Variants in NEB observed in about 807,000 individuals in gnomAD.
NEB encodes the protein nemaline myopathy type 2.
A neutral mutation model predicts 952.2 loss-of-function variants in NEB; 512 were observed. The observed-to-expected ratio is 0.54, with a 90% CI of 0.50 to 0.58. The LOEUF (loss-of-function observed/expected upper bound fraction) is 0.58, where lower values mean the gene tolerates loss of function less well. Among genes scored for constraint, NEB ranks in the 20% least tolerant of loss-of-function variants. The probability of loss-of-function intolerance (pLI) is 0.00; values close to 1 mark genes in which losing one functional copy is unlikely to be tolerated. For missense variants in NEB, 8,428 were observed against 9,231.1 expected (o/e 0.91, Z 3.56); for synonymous variants, 2,900 against 3,149.8 (o/e 0.92, Z 2.66).
intron 179 of NEB, among the ~76,000 whole-genome samples, chr2:151,490,878 C>T (rs1388409472): frequency 6.6e-6 from 1 of 152,186 alleles, no homozygotes; most frequent in African/African-American, 2.4e-5. Context: ...AAAGTCCTCC[C>T]TAACTGCAAA....
chr2:151,532,096 C>T, intron 143 of NEB, 200 bp from the exon 144 acceptor site: 1 of 470,970 alleles, frequency 2.1e-6, no homozygotes, highest in Admixed American at 3.8e-5. Context: ...CTAATAATTT[C>T]CTTTTTTTGT....
At position 151,501,446 on chromosome 2, in the gene NEB, A is replaced by G. The variant is rs1175779008; in HGVS notation, c.23966T>C (p.Leu7989Pro). The change falls in exon 168 of 182, where the codon CTA becomes CCA. Residue 7989 changes from leucine (L) to proline (P), a missense_variant. Transcript: ENST00000397345. ...YKENLSKGTPLPVTPEMERVK... is the reference protein window; with the variant it reads ...YKENLSKGTPPPVTPEMERVK... ...TCGCTCCATCTCAGGAGTGACAGGTAGGGGAGTCCCCTTGCTCAAGTTCTC... is the reference window on the plus strand; with the variant it reads ...TCGCTCCATCTCAGGAGTGACAGGTGGGGGAGTCCCCTTGCTCAAGTTCTC... 3 of 1,542,246 alleles carry G rather than the reference A, an allele frequency of 1.9e-6. No homozygotes were observed. Among genetic ancestry groups the G allele is most frequent in the African/African-American group, 2.7e-5 (2 of 72,924 alleles).
intron 168 of NEB, among the ~76,000 whole-genome samples, chr2:151,500,570 A>G (rs2063658511): frequency 6.7e-6 from 1 of 150,268 alleles, no homozygotes; most frequent in Non-Finnish European, 1.5e-5. Context: ...TTGAATAAGT[A>G]TCAAAATAAG....
intron 105 of NEB, among the ~76,000 whole-genome samples, 162 bp from the exon 106 acceptor site, chr2:151,576,516 A>ATTTTTTT (rs869125440): frequency 5.3e-5 from 1 of 18,878 alleles, no homozygotes; most frequent in Non-Finnish European, 8.9e-5. Context: ...ATATATATAT[A>ATTTTTTT]TTTTTTTTTT....
chr2:151,630,831 G>A lies in NEB; in HGVS notation c.9619-12C>T. 6.4e-7 allele frequency: 1 copy of A among 1,552,404 alleles called. No individual in the cohort carries two copies. The highest frequency in any genetic ancestry group is 8.7e-7 in the Non-Finnish European group (1 of 1,143,310). ...TCTGTGTATAAACGCTATAAAAGAA[G>A]ATAAGATGCTGATTAAAAATCATTT... On this transcript the variant is annotated splice_polypyrimidine_tract_variant and intron_variant, in intron 66 of 181. Coordinates refer to ENST00000397345, the MANE Select transcript of NEB (RefSeq NM_001164508.2).
At chr2:151,642,390 C>A (rs1032211807) in intron 60 of NEB, among the ~76,000 whole-genome samples, 184 bp downstream of exon 60, 1 of 152,206 alleles carries the variant, frequency 6.6e-6, no homozygotes, top group African/African-American at 2.4e-5. Flanking sequence ...ATGGACTCAA[C>A]AATAACTTGA....
Position 151,643,947 on chromosome 2 carries a change from C to T in NEB, c.7827G>A (p.Val2609=), listed in dbSNP as rs1291436216. Residue 2609 remains valine, a synonymous_variant, in exon 57 of 182, where the codon GTG becomes GTA. Transcript: ENST00000397345. ...AGGTCTGGCACTTCTTGGCCAACACCACCCCCAGCATGTCCACTGGGCTGC... is the reference window on the plus strand; with the variant it reads ...AGGTCTGGCACTTCTTGGCCAACACTACCCCCAGCATGTCCACTGGGCTGC... ...KFSSPVDMLG[V]VLAKKCQTLV... 1 of 1,613,818 alleles carries T rather than the reference C, an allele frequency of 6.2e-7. No individual in the cohort carries two copies. The highest frequency in any genetic ancestry group is 1.3e-5 in the African/African-American group (1 of 74,930).
At chr2:151,578,341 G>A (rs1479583552) in intron 105 of NEB, among the ~76,000 whole-genome samples, 1 of 148,668 alleles carries the variant, frequency 6.7e-6, no homozygotes, top group Non-Finnish European at 1.5e-5. Flanking sequence ...GTTTGAGGAA[G>A]ATGGTCCTGC....
rs1469235658 is a variant in NEB, at chr2:151,691,884, T to C, written c.2191A>G (p.Lys731Glu). The change falls in exon 23 of 182, where the codon AAG becomes GAG. Residue 731 changes from lysine (K) to glutamate (E), a missense_variant. Coordinates refer to ENST00000397345, the MANE Select transcript of NEB (RefSeq NM_001164508.2). ...CTTACATCTTTACACTGGTCCAGCT[T>C]CTTGATTGCTTCATATTCTTGTGTT... The part of the protein sequence containing the change: ...TITQEYEAIK[K>E]LDQCKDHTYK... 1 of 1,599,498 alleles carries C rather than the reference T, an allele frequency of 6.3e-7. No individual in the cohort carries two copies. The highest frequency in any genetic ancestry group is 1.7e-5 in the Admixed American group (1 of 57,588).
At position 151,666,389 on chromosome 2, in the gene NEB, C is replaced by T; in HGVS notation, c.4732G>A (p.Glu1578Lys). ...RNIASDCKYK[E>K]AYEKAKGKQV... is the part of the protein sequence containing the mutation. ...TTGCCTTTGGCTTTCTCGTAGGCCTCCTTATATTTGCACTATTTGAAAACA... is the reference window on the plus strand; with the variant it reads ...TTGCCTTTGGCTTTCTCGTAGGCCTTCTTATATTTGCACTATTTGAAAACA... Residue 1578 changes from glutamate to lysine, a missense_variant, in exon 41 of 182, where the codon GAG (glutamate) becomes AAG (lysine). Glu to Lys is a moderately conservative substitution (Grantham distance 56). Coordinates refer to ENST00000397345, the MANE Select transcript of NEB (RefSeq NM_001164508.2). 1 of 1,613,236 alleles carries T rather than the reference C, an allele frequency of 6.2e-7. No individual in the cohort carries two copies. Among genetic ancestry groups the T allele is most frequent in the Non-Finnish European group, 8.5e-7 (1 of 1,179,594 alleles).
At chr2:151,524,723 G>C (rs1262283011) in intron 151 of NEB, 107 bp from the exon 152 acceptor site, 3 of 882,032 alleles carry the variant, frequency 3.4e-6, no homozygotes, top group Non-Finnish European at 5.1e-6. Flanking sequence ...CTTGAGTGCA[G>C]TGGTACAATC....
chr2:151,563,484 G>A, intron 119 of NEB, 122 bp downstream of exon 119: 1 of 827,452 alleles, frequency 1.2e-6, no homozygotes, highest in Non-Finnish European at 2.0e-6. Flanking sequence ...GAAAATCTCA[G>A]GAAGGACCCT....
chr2:151,546,537 C>A (rs1410050362), intron 133 of NEB, 94 bp from the exon 134 acceptor site: 6 of 625,094 alleles, frequency 9.6e-6, no homozygotes, highest in Non-Finnish European at 1.4e-5. Context: ...ATTACTGTGT[C>A]TTTCATTTTG....
chr2:151,531,757 A>G, intron 144 of NEB, 35 bp downstream of exon 144: 4 of 1,486,616 alleles, frequency 2.7e-6, no homozygotes, highest in Non-Finnish European at 3.7e-6. Flanking sequence ...ATGCCCCCTG[A>G]GTTTGAGAAG....
At chr2:151,683,968 G>A (rs1053862978) in intron 28 of NEB, among the ~76,000 whole-genome samples, 24 of 152,152 alleles carry the variant, frequency 1.6e-4, no homozygotes, top group Non-Finnish European at 1.9e-4. Flanking sequence ...CAATCACAAA[G>A]AGACAAATAC....
At chr2:151,511,446 T>G (rs1038246999) in intron 161 of NEB, among the ~76,000 whole-genome samples, 10 of 152,178 alleles carry the variant, frequency 6.6e-5, no homozygotes, top group Non-Finnish European at 1.2e-4. Flanking sequence ...TGATTGGTCA[T>G]TAAGAGATCA....
intron 119 of NEB, 65 bp from the exon 120 acceptor site, chr2:151,562,873 T>G: frequency 8.7e-7 from 1 of 1,152,656 alleles, no homozygotes. Flanking sequence ...ATCAATGTCT[T>G]TTAGATCCTT....
intron 9 of NEB, among the ~76,000 whole-genome samples, chr2:151,717,919 T>C (rs2099763959): frequency 6.6e-6 from 1 of 150,632 alleles, no homozygotes; most frequent in South Asian, 2.1e-4. Context: ...AGTAGCGCGA[T>C]CTCGGCTCAC....
chr2:151,540,700 A>G lies in NEB; in HGVS notation c.20784T>C (p.Ser6928=), dbSNP rs2153569543. The G allele has an allele frequency of 6.2e-7, 1 of 1,613,040 alleles. No homozygotes were observed. Among genetic ancestry groups the G allele is most frequent in the Non-Finnish European group, 8.5e-7 (1 of 1,179,120 alleles). Residue 6928 remains serine, a synonymous_variant, in exon 137 of 182, where the codon AGT becomes AGC. Coordinates refer to ENST00000397345, the MANE Select transcript of NEB (RefSeq NM_001164508.2). The part of the protein sequence containing the change: ...KHAKDVKDMV[S]EKKYKIQYEK... ...CAGTGCTGAATTCCCATCTTACCTC[A>G]CTGACCATGTCCTTCACGTCTTTAG...
Sources: allele counts gnomAD v4.1 joint callset (sites outside exome capture counted in the v4.1 genomes callset), GRCh38; gene constraint gnomAD v4.1.1; transcripts MANE v1.5; gene names NCBI Gene and HGNC (gene_info 2026-07-23, HGNC 2026-07-21).